NRG1: variants seen among roughly 807,000 people sequenced by gnomAD.
The protein encoded by NRG1 is neuregulin 1.
NRG1 carries 18 observed loss-of-function variants against 63.8 expected under a neutral mutation model. That is an observed-to-expected ratio of 0.28 (90% CI 0.19 to 0.42). The LOEUF is 0.42. Ranked by LOEUF, NRG1 falls within the 10% of genes least tolerant of loss-of-function variation. NRG1 has a pLI of 1.00. For synonymous variants in NRG1, 302 were observed against 301.3 expected (o/e 1.00, Z -0.02); for missense variants, 762 against 814.7 (o/e 0.94, Z 0.79).
rs1465616058 is a variant in NRG1 at position 32,595,815 on chromosome 8, T to C, written c.101-13T>C. 6 of 1,600,282 alleles carry C rather than the reference T, an allele frequency of 3.7e-6. No homozygotes were observed. Among genetic ancestry groups the C allele is most frequent in the Non-Finnish European group, 5.1e-6 (6 of 1,175,776 alleles). Reference sequence around the variant, plus strand: ...TGATCAGAGTTGTTTTTCATTCTCTTTTCTTCTTTTAGCCTTGCCTCCCCG... The same window carrying C: ...TGATCAGAGTTGTTTTTCATTCTCTCTTCTTCTTTTAGCCTTGCCTCCCCG... On this transcript the variant is annotated splice_polypyrimidine_tract_variant and intron_variant, in intron 1 of 11. Coordinates refer to ENST00000356819, the Ensembl canonical transcript of NRG1.
At chr8:32,595,457 G>A (rs11988011) in intron 1 of NRG1, among the ~76,000 whole-genome samples, 2,685 of 152,138 alleles carry the variant, frequency 0.018, 83 homozygotes, top group African/African-American at 0.06. Flanking sequence ...CGTAAGTTGG[G>A]GGATTACAGG....
intron 1 of NRG1, among the ~76,000 whole-genome samples, chr8:31,920,535 A>G (rs551157997): frequency 6.6e-6 from 1 of 152,192 alleles, no homozygotes; most frequent in South Asian, 2.1e-4. Context: ...TTTGTTCTGA[A>G]CAACTCCAAA....
intron 1 of NRG1, among the ~76,000 whole-genome samples, chr8:31,792,931 C>G (rs1389419461): frequency 6.6e-6 from 1 of 152,204 alleles, no homozygotes; most frequent in Non-Finnish European, 1.5e-5. Flanking sequence ...TTTAAAAAGC[C>G]CTACTCATGT....
exon 12 of NRG1, chr8:32,765,158 T>C (rs1191145711): frequency 2.0e-5 from 3 of 152,182 alleles, no homozygotes; most frequent in South Asian, 2.1e-4. Context: ...AAATGGGTTC[T>C]GGCTTGCTAT....
At chr8:31,709,764 C>T (rs934696385) in intron 1 of NRG1, among the ~76,000 whole-genome samples, 11 of 151,448 alleles carry the variant, frequency 7.3e-5, no homozygotes, top group African/African-American at 1.9e-4. Context: ...TCTCTTTTGG[C>T]TTTTTTATTT....
intron 1 of NRG1, among the ~76,000 whole-genome samples, chr8:32,340,721 TCA>T (rs1445828443): frequency 6.6e-6 from 1 of 152,182 alleles, no homozygotes; most frequent in African/African-American, 2.4e-5. Context: ...TCAAGGTCAC[TCA>T]CAGAATACAT....
At chr8:32,087,834 C>T (rs1276727473) in intron 1 of NRG1, among the ~76,000 whole-genome samples, 2 of 152,138 alleles carry the variant, frequency 1.3e-5, no homozygotes, top group African/African-American at 4.8e-5. Flanking sequence ...CAGCATTTGT[C>T]GTTCTTGACT....
chr8:31,641,343 T>TC (rs1803766593), intron 1 of NRG1, among the ~76,000 whole-genome samples: 2 of 151,836 alleles, frequency 1.3e-5, no homozygotes, highest in African/African-American at 4.8e-5. Flanking sequence ...GGTTTTTTTT[T>TC]TTGGCCAAGT....
intron 1 of NRG1, among the ~76,000 whole-genome samples, chr8:32,459,419 T>C (rs11774564): frequency 0.14 from 21,902 of 152,074 alleles, 1,792 homozygotes; most frequent in Admixed American, 0.26. Context: ...TTTTTATTTT[T>C]ATTTTACGTT....
intron 1 of NRG1, among the ~76,000 whole-genome samples, chr8:32,399,794 C>T (rs1206732022): frequency 6.6e-6 from 1 of 152,196 alleles, no homozygotes; most frequent in African/African-American, 2.4e-5. Flanking sequence ...TATCAAATAT[C>T]AGGTATTATA....
chr8:32,747,461 G>GA (rs953999928), intron 7 of NRG1, among the ~76,000 whole-genome samples: 8 of 151,656 alleles, frequency 5.3e-5, no homozygotes, highest in East Asian at 3.9e-4. Flanking sequence ...AAGCAAATGG[G>GA]AAAAAAAATG....
chr8:31,640,681 G>T lies in NRG1; in HGVS notation c.37+1250G>T. The stretch of plus-strand genomic sequence containing the variant: ...AGCCTCTTTCCCCCCTCTGGAGACG[G>T]GCCGGAACCTCAAGAAGGAGGTCAG... On this transcript the variant is annotated intron_variant, in intron 1 of 10. Coordinates refer to the NRG1 transcript ENST00000519301. The surrounding 1 kb of genome is among the most constrained non-coding windows in gnomAD (Gnocchi z 6.3). The T allele has an allele frequency of 6.2e-7, 1 of 1,607,268 alleles. No homozygotes were observed.
At chr8:32,193,053 TG>T (rs755402654) in intron 1 of NRG1, among the ~76,000 whole-genome samples, 16 of 152,322 alleles carry the variant, frequency 1.1e-4, no homozygotes, top group South Asian at 4.1e-4. Context: ...ATGAATATTT[TG>T]AGTGAATATT....
Position 32,676,741 on chromosome 8 carries a change from T to C in NRG1, c.503-51208T>C, listed in dbSNP as rs569010045. Among the ~76,000 whole-genome samples, 5 of 152,270 alleles carry C rather than the reference T, an allele frequency of 3.3e-5. No homozygotes were observed. In the South Asian group the frequency reaches 1.0e-3, roughly 32 times the overall value. On this transcript the variant is annotated intron_variant, in intron 5 of 11. Coordinates refer to ENST00000356819, the Ensembl canonical transcript of NRG1. Reference sequence around the variant, plus strand: ...CCTTGTCCTTGGTGCCTGGGGAATGTCTAGTATTCGTAGTCAGTGCAGTCA... The same window carrying C: ...CCTTGTCCTTGGTGCCTGGGGAATGCCTAGTATTCGTAGTCAGTGCAGTCA...
intron 1 of NRG1, among the ~76,000 whole-genome samples, chr8:31,676,397 T>C (rs1015963818): frequency 1.3e-5 from 2 of 152,164 alleles, no homozygotes; most frequent in African/African-American, 4.8e-5. Context: ...CCTTGACAAC[T>C]TTCTTCCCCA....
chr8:31,738,201 C>T (rs893232175), intron 1 of NRG1, among the ~76,000 whole-genome samples: 28 of 151,986 alleles, frequency 1.8e-4, no homozygotes, highest in African/African-American at 6.0e-4. Context: ...GAAATGAAAA[C>T]GTTTATGCAA....
At chr8:31,951,012 G>A (rs993649786) in intron 1 of NRG1, among the ~76,000 whole-genome samples, 9 of 152,140 alleles carry the variant, frequency 5.9e-5, no homozygotes, top group African/African-American at 1.2e-4. Flanking sequence ...CATTACATTC[G>A]GTGACAGTTA....
chr8:31,722,285 C>A (rs1325037519), intron 1 of NRG1, among the ~76,000 whole-genome samples: 2 of 152,074 alleles, frequency 1.3e-5, no homozygotes, highest in African/African-American at 4.8e-5. Flanking sequence ...TCTCTATCCT[C>A]TTCCTCTTCA....
At chr8:32,094,913 A>ATTT (rs35516200) in intron 1 of NRG1, among the ~76,000 whole-genome samples, 1 of 133,312 alleles carries the variant, frequency 7.5e-6, no homozygotes, top group Non-Finnish European at 1.6e-5. Flanking sequence ...TAATTTCAGC[A>ATTT]TTTTTTTTTT....
Sources: gnomAD v4.1 joint callset for allele counts (sites outside exome capture counted in the v4.1 genomes callset) on GRCh38, gnomAD v4.1.1 for gene constraint, Gnocchi (gnomAD v3.1) non-coding constraint, MANE v1.5 for transcripts, NCBI Gene and HGNC (gene_info 2026-07-23, HGNC 2026-07-21) for gene names.